C19orf44: variants seen among roughly 807,000 people sequenced by gnomAD.
C19orf44 encodes the protein chromosome 19 open reading frame 44.
C19orf44 carries 43 observed loss-of-function variants against 50.7 expected under a neutral mutation model. The ratio of observed to expected loss-of-function variants is 0.85; its 90% CI spans 0.66 to 1.09. C19orf44 has a LOEUF of 1.09. Among genes scored for constraint, C19orf44 ranks in the 50% least tolerant of loss-of-function variants. The probability of loss-of-function intolerance (pLI) is 0.00; values close to 1 mark genes in which losing one functional copy is unlikely to be tolerated. For missense variants in C19orf44, 722 were observed against 836.2 expected (o/e 0.86, Z 1.68); for synonymous variants, 298 against 334.7 (o/e 0.89, Z 1.20).
rs1427856745 is a variant in C19orf44 at position 16,509,813 on chromosome 19, G to A, written c.1464G>A (p.Lys488=). The A allele has an allele frequency of 1.2e-5, 19 of 1,614,254 alleles. No individual in the cohort carries two copies. Among genetic ancestry groups the A allele is most frequent in the Admixed American group, 1.7e-5 (1 of 60,026 alleles). Residue 488 remains lysine (K), a synonymous_variant, in exon 5 of 9, where the codon AAG becomes AAA. Coordinates refer to ENST00000221671, the MANE Select transcript of C19orf44 (RefSeq NM_032207.4). ...CATCTGAGCCAACCGCCCATTCCAAGGAGTCTCTTGACAGAACACTGGACG... is the reference window on the plus strand; with the variant it reads ...CATCTGAGCCAACCGCCCATTCCAAAGAGTCTCTTGACAGAACACTGGACG... ...LTASEPTAHS[K]ESLDRTLDAL... is the part of the protein sequence containing the mutation.
intron 7 of C19orf44, among the ~76,000 whole-genome samples, chr19:16,516,785 C>T (rs533758301): frequency 2.6e-4 from 39 of 152,338 alleles, no homozygotes; most frequent in African/African-American, 8.9e-4. Flanking sequence ...CTGAAGAGGG[C>T]AGGTTGTGAG....
rs764388846 is a variant in C19orf44 at position 16,519,604 on chromosome 19, C to G, written c.*41-490C>G. On this transcript the variant is annotated intron_variant, in intron 8 of 8. Coordinates refer to ENST00000221671, the MANE Select transcript of C19orf44 (RefSeq NM_032207.4). This position sits in a 1 kb window ranked among gnomAD's most constrained non-coding sequence, Gnocchi z 6.0. ...CGTGAGGACCCATCCCGCGCCCTCC[C>G]CATTCCCTCGCCTTACCCATCTTCA... The G allele has an allele frequency of 3.4e-5, 54 of 1,610,388 alleles. 1 individual carries two copies. In the South Asian group the frequency reaches 5.9e-4, roughly 18 times the overall value.
intron 3 of C19orf44, among the ~76,000 whole-genome samples, chr19:16,504,748 C>T (rs929117336): frequency 5.9e-5 from 9 of 151,972 alleles, no homozygotes; most frequent in South Asian, 2.1e-4. Context: ...TATAGGCGCA[C>T]GCCACCATGC....
At chr19:16,505,270 A>G (rs1484295459) in intron 3 of C19orf44, among the ~76,000 whole-genome samples, 2 of 149,598 alleles carry the variant, frequency 1.3e-5, no homozygotes, top group East Asian at 2.0e-4. Context: ...CTGGAGTGCA[A>G]TGGCGTGATC....
At chr19:16,515,092 A>C (rs926887664) in intron 7 of C19orf44, among the ~76,000 whole-genome samples, 4 of 152,184 alleles carry the variant, frequency 2.6e-5, no homozygotes, top group Non-Finnish European at 5.9e-5. Context: ...ATTACCAGCC[A>C]GGTGCCGTGG....
At chr19:16,516,782 G>A (rs1293928294) in intron 7 of C19orf44, among the ~76,000 whole-genome samples, 1 of 152,234 alleles carries the variant, frequency 6.6e-6, no homozygotes, top group Non-Finnish European at 1.5e-5. Context: ...CTGCTGAAGA[G>A]GGCAGGTTGT....
At chr19:16,514,455 G>T (rs367801927) in intron 6 of C19orf44, 42 bp from the exon 7 acceptor site, 3 of 1,535,068 alleles carry the variant, frequency 2.0e-6, no homozygotes, top group Non-Finnish European at 1.8e-6. Context: ...CAGAATTTGT[G>T]GGGCCCCAGC....
rs373233686 is a variant in C19orf44 at position 16,519,580 on chromosome 19, G to C, written c.*41-514G>C. On this transcript the variant is annotated intron_variant, in intron 8 of 8. Coordinates refer to ENST00000221671, the MANE Select transcript of C19orf44 (RefSeq NM_032207.4). This position sits in a 1 kb window ranked among gnomAD's most constrained non-coding sequence, Gnocchi z 6.0. ...CTGGTGACTCCCGGGCCCAGCACGC[G>C]TGAGGACCCATCCCGCGCCCTCCCC... 88 of 1,548,382 alleles carry C rather than the reference G, an allele frequency of 5.7e-5. No homozygotes were observed. The highest frequency in any genetic ancestry group is 7.1e-5 in the Non-Finnish European group (79 of 1,120,528).
At chr19:16,505,716 T>C (rs1239966023) in intron 3 of C19orf44, among the ~76,000 whole-genome samples, 3 of 151,980 alleles carry the variant, frequency 2.0e-5, no homozygotes, top group African/African-American at 7.2e-5. Flanking sequence ...GGAGCCTTGC[T>C]CTGTCACCCG....
rs1271293010 is a variant in C19orf44 at position 16,521,091 on chromosome 19, G to A, written c.*1038G>A. 4.7e-6 allele frequency: 3 copies of A among 634,090 alleles called. No homozygotes were observed. The highest frequency in any genetic ancestry group is 8.5e-6 in the Non-Finnish European group (3 of 351,696). 39.3% of individuals were successfully genotyped at this position (634,090 alleles called of 1,614,324 possible). A position where few individuals can be genotyped will look rare whatever the true frequency, so the allele number is the denominator to read the frequency against. ...GTTCCCACAGGGCTGTCCTCCTGCA[G>A]CCCAGTGGCTCCTCTGGTGCCCACG... On this transcript the variant is annotated 3_prime_UTR_variant, in exon 9 of 9. Transcript: ENST00000221671.
chr19:16,503,822 C>T (rs2093432588), intron 3 of C19orf44, among the ~76,000 whole-genome samples: 1 of 152,114 alleles, frequency 6.6e-6, no homozygotes. Context: ...GCCTTGGCCT[C>T]CCAAAGTGCT....
rs556110219 is a variant in C19orf44 at position 16,519,890 on chromosome 19, C to T, written c.*41-204C>T. On this transcript the variant is annotated intron_variant, in intron 8 of 8. Coordinates refer to ENST00000221671, the MANE Select transcript of C19orf44 (RefSeq NM_032207.4). This position sits in a 1 kb window ranked among gnomAD's most constrained non-coding sequence, Gnocchi z 6.0. Reference sequence around the variant, plus strand: ...CTGTCTCAGCTAGATAAGGGGGCTCCAGACGCTGGCCCCCACCCCACGCTC... The same window carrying T: ...CTGTCTCAGCTAGATAAGGGGGCTCTAGACGCTGGCCCCCACCCCACGCTC... The T allele has an allele frequency of 8.8e-6, 6 of 680,360 alleles. No homozygotes were observed. The highest frequency in any genetic ancestry group is 5.2e-5 in the South Asian group (3 of 57,986). The allele number at this position is 680,360 out of a possible 1,614,324, so 42.1% of individuals were successfully genotyped here. A position where few individuals can be genotyped will look rare whatever the true frequency, so the allele number is the denominator to read the frequency against.
At chr19:16,512,895 T>G in intron 5 of C19orf44, 119 bp from the exon 6 acceptor site, 1 of 694,592 alleles carries the variant, frequency 1.4e-6, no homozygotes, top group Non-Finnish European at 2.3e-6. Context: ...AGAGTGGCGA[T>G]CACCTTCAGA....
At position 16,519,816 on chromosome 19, in the gene C19orf44, T is replaced by G; in HGVS notation, c.*41-278T>G. The G allele has an allele frequency of 2.0e-6, 2 of 994,258 alleles. No homozygotes were observed. Among genetic ancestry groups the G allele is most frequent in the Non-Finnish European group, 3.2e-6 (2 of 620,294 alleles). 61.6% of individuals were successfully genotyped at this position (994,258 alleles called of 1,614,324 possible). A position where few individuals can be genotyped will look rare whatever the true frequency, so the allele number is the denominator to read the frequency against. On this transcript the variant is annotated intron_variant, in intron 8 of 8. Transcript: ENST00000221671. This position sits in a 1 kb window ranked among gnomAD's most constrained non-coding sequence, Gnocchi z 6.0. ...AGCCGCAGCTTGCGTGCATGCTCACTGTCACCAGGTGACACCGTATGCAGA... is the reference window on the plus strand; with the variant it reads ...AGCCGCAGCTTGCGTGCATGCTCACGGTCACCAGGTGACACCGTATGCAGA...
intron 4 of C19orf44, among the ~76,000 whole-genome samples, chr19:16,507,711 C>T (rs921197481): frequency 1.2e-4 from 18 of 151,764 alleles, no homozygotes; most frequent in South Asian, 1.0e-3. Flanking sequence ...AGGCTGGTTT[C>T]GAACTCCTGA....
chr19:16,518,426 A>T (rs942651956), intron 8 of C19orf44: 1 of 152,172 alleles, frequency 6.6e-6, no homozygotes, highest in South Asian at 2.1e-4. Flanking sequence ...TGTTTCCCAG[A>T]TAACAGCAAA....
At chr19:16,516,322 G>A (rs1264026630) in intron 7 of C19orf44, among the ~76,000 whole-genome samples, 2 of 152,110 alleles carry the variant, frequency 1.3e-5, no homozygotes, top group African/African-American at 2.4e-5. Flanking sequence ...GTGTGTGCCC[G>A]TAGTCCCAGC....
Position 16,519,831 on chromosome 19 carries a change from C to G in C19orf44, c.*41-263C>G. Reference sequence around the variant, plus strand: ...GCATGCTCACTGTCACCAGGTGACACCGTATGCAGATTTTGCGTCTCTACC... The same window carrying G: ...GCATGCTCACTGTCACCAGGTGACAGCGTATGCAGATTTTGCGTCTCTACC... On this transcript the variant is annotated intron_variant, in intron 8 of 8. Transcript: ENST00000221671. This position sits in a 1 kb window ranked among gnomAD's most constrained non-coding sequence, Gnocchi z 6.0. 2.2e-6 allele frequency: 2 copies of G among 921,108 alleles called. No homozygotes were observed. Among genetic ancestry groups the G allele is most frequent in the South Asian group, 2.7e-5 (2 of 73,180 alleles). The allele number at this position is 921,108 out of a possible 1,614,324, so 57.1% of individuals were successfully genotyped here. A position where few individuals can be genotyped will look rare whatever the true frequency, so the allele number is the denominator to read the frequency against.
In C19orf44 at chr19:16,509,663, C is replaced by T; in HGVS notation, c.1314C>T (p.Ala438=). Reference sequence around the variant, plus strand: ...GCGAGGTCTCGGAGCATCTCAGTGCCAGCTCGGCTTCTGCCATCCAGCAGG... The same window carrying T: ...GCGAGGTCTCGGAGCATCTCAGTGCTAGCTCGGCTTCTGCCATCCAGCAGG... ...DESEVSEHLS[A]SSASAIQQDS... The change falls in exon 5 of 9, where the codon GCC becomes GCT. Residue 438 remains alanine (A), a synonymous_variant. Transcript: ENST00000221671. 6.2e-7 allele frequency: 1 copy of T among 1,614,262 alleles called. No homozygotes were observed. Among genetic ancestry groups the T allele is most frequent in the Non-Finnish European group, 8.5e-7 (1 of 1,180,048 alleles).
Sources: allele counts gnomAD v4.1 joint callset (sites outside exome capture counted in the v4.1 genomes callset), GRCh38; gene constraint gnomAD v4.1.1; non-coding constraint Gnocchi (gnomAD v3.1); transcripts MANE v1.5; gene names NCBI Gene and HGNC (gene_info 2026-07-23, HGNC 2026-07-21).